MAGI2: variants seen among roughly 807,000 people sequenced by gnomAD.
The protein encoded by MAGI2 is membrane associated guanylate kinase, WW and PDZ domain containing 2, also known as membrane-associated guanylate kinase, WW and PDZ domain-containing protein 2.
A neutral mutation model predicts 133.3 loss-of-function variants in MAGI2; 35 were observed. The observed-to-expected ratio is 0.26, with a 90% confidence interval of 0.20 to 0.35. The LOEUF (loss-of-function observed/expected upper bound fraction) is 0.35, where lower values mean the gene tolerates loss of function less well. MAGI2 is among the 10% of genes least tolerant of loss of function. MAGI2 has a pLI of 1.00. For synonymous variants in MAGI2, 729 were observed against 710.6 expected, an observed-to-expected ratio of 1.03 and a Z score of -0.41; for missense variants, 1,636 against 1,863.4, an observed-to-expected ratio of 0.88 and a Z score of 2.25.
At chr7:78,281,437 T>C (rs1363773091) in intron 9 of MAGI2, among the ~76,000 whole-genome samples, 1 of 151,714 alleles carries the variant, frequency 6.6e-6, no homozygotes, top group Non-Finnish European at 1.5e-5. Context: ...CTTCCCCGCT[T>C]CACTGAGCAC....
At chr7:78,069,094 T>G (rs1814167140) in intron 21 of MAGI2, among the ~76,000 whole-genome samples, 1 of 152,074 alleles carries the variant, frequency 6.6e-6, no homozygotes, top group Non-Finnish European at 1.5e-5. Flanking sequence ...GGGAAGACAA[T>G]GGGAGGAAAA....
chr7:79,443,036 C>T (rs949046201), intron 1 of MAGI2, among the ~76,000 whole-genome samples: 1 of 151,972 alleles, frequency 6.6e-6, no homozygotes, highest in African/African-American at 2.4e-5. Flanking sequence ...CTTTGGGAGG[C>T]AGAGGTGGGC....
At chr7:78,946,766 A>G (rs1457478931) in intron 2 of MAGI2, 1 of 152,188 alleles carries the variant, frequency 6.6e-6, no homozygotes, top group African/African-American at 2.4e-5. Context: ...AAAACAAAAT[A>G]TTTGACTTGT....
At chr7:78,807,016 T>G (rs1788636594) in intron 2 of MAGI2, among the ~76,000 whole-genome samples, 1 of 152,016 alleles carries the variant, frequency 6.6e-6, no homozygotes, top group Admixed American at 6.6e-5. Flanking sequence ...TAGGACAAAC[T>G]ATGGAGAAAT....
chr7:78,414,124 A>G (rs1444725771), intron 6 of MAGI2, among the ~76,000 whole-genome samples: 2 of 152,030 alleles, frequency 1.3e-5, no homozygotes, highest in African/African-American at 2.4e-5. Context: ...CAGTTGATGT[A>G]TGGAAATATT....
intron 1 of MAGI2, among the ~76,000 whole-genome samples, chr7:79,167,408 A>C (rs1280182948): frequency 6.6e-6 from 1 of 151,454 alleles, no homozygotes; most frequent in Non-Finnish European, 1.5e-5. Flanking sequence ...AAAAAAAAAA[A>C]AAAAAAAAAA....
intron 2 of MAGI2, among the ~76,000 whole-genome samples, chr7:78,666,462 G>A (rs1585021708): frequency 6.6e-6 from 1 of 152,154 alleles, no homozygotes; most frequent in Middle Eastern, 3.4e-3. Flanking sequence ...CTTGAGACCT[G>A]ACAAAGTACC....
intron 21 of MAGI2, among the ~76,000 whole-genome samples, chr7:78,056,464 T>C (rs187760788): frequency 6.6e-6 from 1 of 152,326 alleles, no homozygotes; most frequent in Admixed American, 6.5e-5. Flanking sequence ...GTGGTACATA[T>C]GTACCATGGA....
chr7:79,112,433 A>G (rs1377022749), intron 1 of MAGI2, among the ~76,000 whole-genome samples: 2 of 152,088 alleles, frequency 1.3e-5, no homozygotes, highest in Non-Finnish European at 2.9e-5. Flanking sequence ...ATACACCTCA[A>G]TTTCTCTATC....
intron 1 of MAGI2, among the ~76,000 whole-genome samples, chr7:79,218,839 T>A (rs971744264): frequency 6.6e-6 from 1 of 152,160 alleles, no homozygotes; most frequent in Non-Finnish European, 1.5e-5. Flanking sequence ...TTCCTATGTA[T>A]GTACAGCATG....
intron 2 of MAGI2, among the ~76,000 whole-genome samples, chr7:78,636,519 C>T (rs938477403): frequency 6.6e-6 from 1 of 152,166 alleles, no homozygotes; most frequent in African/African-American, 2.4e-5. Context: ...TGCATCAAGG[C>T]CGGGCGCTGT....
At chr7:78,135,348 T>C (rs1822001967) in intron 16 of MAGI2, 142 bp from the exon 17 acceptor site, 3 of 713,720 alleles carry the variant, frequency 4.2e-6, no homozygotes, top group South Asian at 1.9e-5. Context: ...CTAATTTCTA[T>C]CAAATGGGGT....
intron 1 of MAGI2, among the ~76,000 whole-genome samples, chr7:79,314,347 G>A (rs1003146459): frequency 6.6e-6 from 1 of 152,134 alleles, no homozygotes; most frequent in African/African-American, 2.4e-5. Context: ...GACCTCAAGT[G>A]ATCCACCTGC....
intron 9 of MAGI2, among the ~76,000 whole-genome samples, chr7:78,335,667 G>T (rs1789685445): frequency 6.6e-6 from 1 of 152,080 alleles, no homozygotes; most frequent in African/African-American, 2.4e-5. Context: ...CTAGACAAGG[G>T]TTGGAAGACA....
At chr7:78,965,320 T>C (rs1391451911) in intron 2 of MAGI2, among the ~76,000 whole-genome samples, 1 of 151,776 alleles carries the variant, frequency 6.6e-6, no homozygotes, top group Non-Finnish European at 1.5e-5. Context: ...GTTGAAAAGT[T>C]ATGTCAAAAG....
At position 79,396,974 on chromosome 7, in the gene MAGI2, A is replaced by G. The variant is rs143018654; in HGVS notation, c.301+56046T>C. ...TAAAAATGTTAGAGAGATAAAAATTAGGATGTAAATTAAAATTCTTTCTTT... is the reference window on the plus strand; with the variant it reads ...TAAAAATGTTAGAGAGATAAAAATTGGGATGTAAATTAAAATTCTTTCTTT... On this transcript the variant is annotated intron_variant, in intron 1 of 21. Coordinates refer to ENST00000354212, the MANE Select transcript of MAGI2 (RefSeq NM_012301.4). Among the ~76,000 whole-genome samples, 1,486 of 152,090 alleles carry G rather than the reference A, an allele frequency of 9.8e-3. 24 individuals are homozygous for G. The highest frequency in any genetic ancestry group is 0.033 in the African/African-American group (1,387 of 41,552).
chr7:78,359,846 G>A (rs1415080709), intron 7 of MAGI2, among the ~76,000 whole-genome samples: 3 of 152,166 alleles, frequency 2.0e-5, no homozygotes, highest in Admixed American at 6.5e-5. Flanking sequence ...TGAGTTAAAA[G>A]AGATCTTAGC....
intron 1 of MAGI2, among the ~76,000 whole-genome samples, chr7:79,206,554 T>G (rs753263022): frequency 1.3e-5 from 2 of 151,416 alleles, no homozygotes; most frequent in Non-Finnish European, 2.9e-5. Context: ...CAATAATGAG[T>G]AAGGATATTA....
intron 2 of MAGI2, among the ~76,000 whole-genome samples, chr7:78,885,930 A>G (rs537206467): frequency 3.3e-5 from 5 of 152,248 alleles, no homozygotes; most frequent in African/African-American, 1.2e-4. Flanking sequence ...GTGCCTGCTG[A>G]TCCTCTACCA....
Sources: gnomAD v4.1 joint callset for allele counts (sites outside exome capture counted in the v4.1 genomes callset) on GRCh38, gnomAD v4.1.1 for gene constraint, MANE v1.5 for transcripts, NCBI Gene and HGNC (gene_info 2026-07-23, HGNC 2026-07-21) for gene names.